Variants in CHRNE observed in about 807,000 individuals in gnomAD.
CHRNE encodes cholinergic receptor nicotinic epsilon subunit, also known as acetylcholine receptor subunit epsilon.
In CHRNE, 58 loss-of-function variants were observed where a neutral mutation model predicts 56.5. The ratio of observed to expected loss-of-function variants is 1.03; its 90% CI spans 0.83 to 1.28. The LOEUF is 1.28. Ranked by LOEUF, CHRNE falls within the 50% of genes most tolerant of loss-of-function variation. The pLI is 0.00. For synonymous variants in CHRNE, 385 were observed against 297.9 expected (o/e 1.29, Z -3.01); for missense variants, 793 against 688.9 (o/e 1.15, Z -1.69).
chr17:4,899,052 A>T lies in CHRNE; in HGVS notation c.1275T>A (p.Asp425Glu), dbSNP rs777560468. 1 of 1,611,884 alleles carries T rather than the reference A, an allele frequency of 6.2e-7. No individual in the cohort carries two copies. The highest frequency in any genetic ancestry group is 1.7e-5 in the Admixed American group (1 of 59,878). The change falls in exon 11 of 12, where the codon GAT becomes GAA. Residue 425 changes from aspartate to glutamate, a missense_variant. Coordinates refer to ENST00000649488, the MANE Select transcript of CHRNE (RefSeq NM_000080.4). ...AAAPEVRCCV[D>E]AVNFVAESTR... Reference sequence around the variant, plus strand: ...TGCTCTCGGCCACGAAGTTCACGGCATCCACACAGCAGCGGACCTCGGGGG... The same window carrying T: ...TGCTCTCGGCCACGAAGTTCACGGCTTCCACACAGCAGCGGACCTCGGGGG...
In CHRNE at chr17:4,902,169, C is replaced by T. The variant is rs928929092; in HGVS notation, c.344+48G>A. ...CCCTTCCCCAACCAAGTCCAGCCCG[C>T]ACCCCAGGCCGGCTTCCCTCCAGCC... On this transcript the variant is annotated intron_variant, in intron 4 of 11. Coordinates refer to ENST00000649488, the MANE Select transcript of CHRNE (RefSeq NM_000080.4). The surrounding 1 kb of genome is among the most constrained non-coding windows in gnomAD (Gnocchi z 4.0). The T allele has an allele frequency of 1.6e-5, 26 of 1,613,828 alleles. No homozygotes were observed. The highest frequency in any genetic ancestry group is 4.5e-5 in the East Asian group (2 of 44,868).
chr17:4,905,464 C>T (rs562106464), upstream of CHRNE, among the ~76,000 whole-genome samples: 1 of 152,304 alleles, frequency 6.6e-6, no homozygotes, highest in East Asian at 1.9e-4. Flanking sequence ...ACTTAGGAGG[C>T]TGAGGCGGGA....
Position 4,902,351 on chromosome 17 carries a change from G to T in CHRNE, c.235-25C>A, listed in dbSNP as rs140756451. ...CCTAAGGGGTGGGGGATGGAAGGCC[G>T]CGTGCCCTGCATCTCCCACCTGGCG... On this transcript the variant is annotated intron_variant, in intron 3 of 11. Coordinates refer to ENST00000649488, the MANE Select transcript of CHRNE (RefSeq NM_000080.4). The surrounding 1 kb of genome is among the most constrained non-coding windows in gnomAD (Gnocchi z 4.0). 1 of 1,612,932 alleles carries T rather than the reference G, an allele frequency of 6.2e-7. No homozygotes were observed.
At chr17:4,903,145 A>G, upstream of CHRNE, 1 of 1,412,658 alleles carries the variant, frequency 7.1e-7, no homozygotes, top group Non-Finnish European at 1.0e-6. Context: ...GAGGGGGAGG[A>G]GGGTGTTAGT....
intron 8 of CHRNE, chr17:4,900,200 C>T: frequency 6.5e-7 from 1 of 1,543,476 alleles, no homozygotes; most frequent in African/African-American, 1.4e-5. Flanking sequence ...GAACAAGGAC[C>T]TCTGCCTCCC....
chr17:4,904,300 C>T (rs1970061019), upstream of CHRNE, among the ~76,000 whole-genome samples: 1 of 152,070 alleles, frequency 6.6e-6, no homozygotes, highest in East Asian at 1.9e-4. Context: ...TGGGCTAAAG[C>T]GATCCTCCTG....
At chr17:4,901,674 C>T (rs1300092408) in intron 5 of CHRNE, 49 bp from the exon 6 acceptor site, 6 of 1,551,312 alleles carry the variant, frequency 3.9e-6, no homozygotes, top group South Asian at 2.2e-5. Context: ...GACCTGGGCC[C>T]CGGCCTCAGG....
intron 8 of CHRNE, 125 bp downstream of exon 8, chr17:4,900,668 C>T: frequency 6.9e-7 from 1 of 1,443,542 alleles, no homozygotes. Context: ...GTACCAGCCC[C>T]ACCCAGCGTC....
chr17:4,901,200 G>C lies in CHRNE; in HGVS notation c.602-10C>G, dbSNP rs765175027. 2.1e-5 allele frequency: 33 copies of C among 1,599,532 alleles called. No individual in the cohort carries two copies. The highest frequency in any genetic ancestry group is 5.9e-6 in the Non-Finnish European group (7 of 1,177,396). On this transcript the variant is annotated splice_polypyrimidine_tract_variant and intron_variant, in intron 6 of 11. Coordinates refer to ENST00000649488, the MANE Select transcript of CHRNE (RefSeq NM_000080.4). ...GCCCACTCGCCGTTCTCTGCGGGAC[G>C]GGGGCACGGTCAGCTGGCTGTCAGA...
chr17:4,899,963 T>A (rs757017826), intron 8 of CHRNE: 29 of 1,551,160 alleles, frequency 1.9e-5, no homozygotes, highest in Non-Finnish European at 2.4e-5. Flanking sequence ...GCTTCTGTCT[T>A]CCCTGGAACT....
chr17:4,900,646 G>A, intron 8 of CHRNE, 147 bp downstream of exon 8: 4 of 1,456,386 alleles, frequency 2.7e-6, no homozygotes, highest in Non-Finnish European at 1.9e-6. Flanking sequence ...GCGGACCAGG[G>A]ACTCCATCCC....
At chr17:4,903,150 G>A (rs1970041773), upstream of CHRNE, 1 of 1,361,832 alleles carries the variant, frequency 7.3e-7, no homozygotes, top group African/African-American at 1.4e-5. Context: ...GGAGGAGGGT[G>A]TTAGTTCCGG....
chr17:4,901,671 GC>G (rs1282801523), intron 5 of CHRNE, 46 bp from the exon 6 acceptor site: 3 of 1,567,428 alleles, frequency 1.9e-6, no homozygotes, highest in Non-Finnish European at 2.6e-6. Flanking sequence ...TCTGACCTGG[GC>G]CCCGGCCTCA....
chr17:4,898,929 G>A (rs1425849227), intron 11 of CHRNE, 38 bp from the exon 12 acceptor site: 10 of 1,565,456 alleles, frequency 6.4e-6, no homozygotes, highest in South Asian at 2.3e-5. Flanking sequence ...AGAGGCAGCT[G>A]CAGGAGCCAG....
At position 4,898,702 on chromosome 17, in the gene CHRNE, C is replaced by G; in HGVS notation, c.*34G>C. ...CTACTTTTTCAAAATCAATTTCCTA[C>G]TGGAGATGGGTGGGAAATTGAAGTC... is the stretch of plus-strand genomic sequence containing the variant. On this transcript the variant is annotated 3_prime_UTR_variant, in exon 12 of 12. Transcript: ENST00000649488. The G allele has an allele frequency of 6.3e-7, 1 of 1,599,238 alleles. No homozygotes were observed. The highest frequency in any genetic ancestry group is 8.5e-7 in the Non-Finnish European group (1 of 1,173,820).
chr17:4,898,413 A>G lies in CHRNE; in HGVS notation c.*323T>C. ...GGCTATGAAATGAATATAGATAGAT[A>G]GCTCACAAGCTGGCAGCCACCAGAG... On this transcript the variant is annotated 3_prime_UTR_variant, in exon 12 of 12. Coordinates refer to ENST00000649488, the MANE Select transcript of CHRNE (RefSeq NM_000080.4). 1 of 433,316 alleles carries G rather than the reference A, an allele frequency of 2.3e-6. No homozygotes were observed. Among genetic ancestry groups the G allele is most frequent in the Non-Finnish European group, 4.3e-6 (1 of 231,618 alleles). 26.8% of individuals were successfully genotyped at this position (433,316 alleles called of 1,614,324 possible).
rs376093621 is a variant in CHRNE, at chr17:4,899,279, G to A, written c.1138C>T (p.Arg380Cys). 2.2e-5 allele frequency: 35 copies of A among 1,600,352 alleles called. No individual in the cohort carries two copies. Among genetic ancestry groups the A allele is most frequent in the African/African-American group, 1.1e-4 (8 of 74,630 alleles). ...TTTTTCAGTATCAGCTCCTCCGCGC[G>A]GAGCAATAAGCCCACCGACGACGCC... ...RRASSVGLLL[R>C]AEELILKKPR... is the part of the protein sequence containing the mutation. The change falls in exon 10 of 12, where the codon CGC becomes TGC. Residue 380 changes from arginine (R) to cysteine (C), a missense_variant. Transcript: ENST00000649488.
chr17:4,908,443 G>T (rs111265147), intron 1 of CHRNE, among the ~76,000 whole-genome samples: 15 of 151,882 alleles, frequency 9.9e-5, no homozygotes, highest in African/African-American at 2.9e-4. Flanking sequence ...ACAGCAGTGC[G>T]TTCCTGCCAG....
upstream of CHRNE, among the ~76,000 whole-genome samples, chr17:4,907,368 C>T (rs2151101193): frequency 6.6e-6 from 1 of 151,690 alleles, no homozygotes; most frequent in East Asian, 1.9e-4. Flanking sequence ...TCAAGACCAT[C>T]CTGGCTAGCA....
Sources: gnomAD v4.1 joint callset for allele counts (sites outside exome capture counted in the v4.1 genomes callset) on GRCh38, gnomAD v4.1.1 for gene constraint, Gnocchi (gnomAD v3.1) non-coding constraint, MANE v1.5 for transcripts, NCBI Gene and HGNC (gene_info 2026-07-23, HGNC 2026-07-21) for gene names.